The following DBP variants were observed in gnomAD, a reference collection of about 807,000 sequenced individuals.
The protein encoded by DBP is D site-binding protein.
In DBP, 12 loss-of-function variants were observed where a neutral mutation model predicts 21.4. The observed-to-expected ratio is 0.56, with a 90% CI of 0.36 to 0.91. The LOEUF is 0.91. DBP is among the 40% of genes least tolerant of loss of function. DBP has a pLI of 0.01. For synonymous variants in DBP, 213 were observed against 224.9 expected (o/e 0.95, Z 0.47); for missense variants, 423 against 473.4 (o/e 0.89, Z 0.99).
Position 48,637,344 on chromosome 19 carries a change from C to A in DBP, c.-350G>T. ...CTTGCAAAATCTGCAGCTCTCGCAA[C>A]GGAAGGCGCTTTGCAATCTGCACCG... is the stretch of plus-strand genomic sequence containing the variant. On this transcript the variant is annotated 5_prime_UTR_variant, in exon 1 of 4. Coordinates refer to ENST00000222122, the MANE Select transcript of DBP (RefSeq NM_001352.5). 1 of 263,090 alleles carries A rather than the reference C, an allele frequency of 3.8e-6. No individual in the cohort carries two copies. The highest frequency in any genetic ancestry group is 7.2e-6 in the Non-Finnish European group (1 of 139,616). The allele number at this position is 263,090 out of a possible 1,614,324, so 16.3% of individuals were successfully genotyped here.
At chr19:48,636,731 G>A (rs1054661897) in intron 1 of DBP, 125 bp downstream of exon 1, 2 of 1,182,404 alleles carry the variant, frequency 1.7e-6, no homozygotes, top group Non-Finnish European at 2.4e-6. Flanking sequence ...CTGAGTAATT[G>A]AGTAGATTAA....
chr19:48,632,943 A>C (rs2030652977), intron 3 of DBP: 1 of 195,436 alleles, frequency 5.1e-6, no homozygotes, highest in Non-Finnish European at 1.1e-5. Context: ...GAGAAGCTCC[A>C]AGTCTCTACA....
At chr19:48,636,056 C>A in intron 1 of DBP, 66 bp from the exon 2 acceptor site, 1 of 1,415,176 alleles carries the variant, frequency 7.1e-7, no homozygotes, top group Non-Finnish European at 9.2e-7. Flanking sequence ...GAGAAGAGAC[C>A]CCGAGTCCGA....
intron 3 of DBP, 72 bp from the exon 4 acceptor site, chr19:48,631,124 C>T (rs1434990855): frequency 7.1e-7 from 1 of 1,410,910 alleles, no homozygotes; most frequent in African/African-American, 1.4e-5. Flanking sequence ...AAGGGAGCCC[C>T]AGCAGCGGGG....
intron 2 of DBP, chr19:48,634,669 G>A (rs1336500364): frequency 1.7e-5 from 17 of 984,846 alleles, no homozygotes; most frequent in East Asian, 1.1e-4. Context: ...GCGCCTGCGC[G>A]AAGCGCGGAG....
Position 48,636,761 on chromosome 19 carries a change from C to G in DBP, c.139+95G>C. 2.8e-6 allele frequency: 4 copies of G among 1,434,380 alleles called. No homozygotes were observed. In the East Asian group the frequency reaches 9.8e-5, roughly 35 times the overall value. The allele number at this position is 1,434,380 out of a possible 1,614,324, so 88.9% of individuals were successfully genotyped here. ...GATTAAGGTTGGGAAGATGGACTCC[C>G]CGCACGCAGGTTTCTATGGGACCCC... is the stretch of plus-strand genomic sequence containing the variant. On this transcript the variant is annotated intron_variant, in intron 1 of 3. Coordinates refer to ENST00000222122, the MANE Select transcript of DBP (RefSeq NM_001352.5).
intron 2 of DBP, 45 bp from the exon 3 acceptor site, chr19:48,633,700 G>A (rs369481320): frequency 1.9e-6 from 3 of 1,549,934 alleles, no homozygotes; most frequent in Non-Finnish European, 2.7e-6. Flanking sequence ...TTTTAAGGAG[G>A]GGGTTTCCTG....
rs1038905482 is a variant in DBP at position 48,635,065 on chromosome 19, C to G, written c.550+515G>C. On this transcript the variant is annotated intron_variant, in intron 2 of 3. Transcript: ENST00000222122. ...TTTTCCCTTCTGAAGAACTCTGGGA[C>G]CCGGGGCTGCAGCACGCCCCACTGG... 3.0e-6 allele frequency: 3 copies of G among 986,706 alleles called. No homozygotes were observed. In the African/African-American group the frequency reaches 5.2e-5, roughly 17 times the overall value. 61.1% of individuals were successfully genotyped at this position (986,706 alleles called of 1,614,324 possible).
chr19:48,637,268 G>C lies in DBP; in HGVS notation c.-274C>G, dbSNP rs1224912435. On this transcript the variant is annotated 5_prime_UTR_variant, in exon 1 of 4. Transcript: ENST00000222122. ...CAAGCGGTCGGCTCTTTGCAACCGA[G>C]GGTGAGAGGGGACTCAAGGCGCTCC... The C allele has an allele frequency of 2.7e-6, 1 of 376,494 alleles. No individual in the cohort carries two copies. Among genetic ancestry groups the C allele is most frequent in the Non-Finnish European group, 4.8e-6 (1 of 210,390 alleles). The allele number at this position is 376,494 out of a possible 1,614,324, so 23.3% of individuals were successfully genotyped here.
intron 2 of DBP, chr19:48,634,858 T>G (rs1228926628): frequency 3.0e-6 from 3 of 985,626 alleles, no homozygotes; most frequent in Admixed American, 6.1e-5. Flanking sequence ...TCCAGTCACT[T>G]AGTTCCACTC....
Position 48,635,606 on chromosome 19 carries a change from A to C in DBP, c.524T>G (p.Leu175Arg). The C allele has an allele frequency of 1.5e-6, 2 of 1,352,006 alleles. No homozygotes were observed. Among genetic ancestry groups the C allele is most frequent in the South Asian group, 3.6e-5 (2 of 54,986 alleles). 83.8% of individuals were successfully genotyped at this position (1,352,006 alleles called of 1,614,324 possible). The change falls in exon 2 of 4, where the codon CTC becomes CGC. Residue 175 changes from leucine to arginine, a missense_variant. Physicochemically the swap from Leu to Arg is moderately radical, Grantham distance 102 (BLOSUM62 -2). This residue lies in a region of DBP where 283 missense variants were observed against 273.7 expected (regional missense o/e 1.03). Transcript: ENST00000222122. ...SPGHAPARAA[L>R]GTASGHRAGL... ...TGCGCGGTGGCCGCTGGCGGTCCCG[A>C]GGGCAGCCCGGGCGGGGGCGTGCCC...
intron 3 of DBP, chr19:48,633,239 G>A: frequency 7.7e-6 from 5 of 651,942 alleles, no homozygotes; most frequent in East Asian, 5.1e-5. Flanking sequence ...GAGGCCCCTC[G>A]CCCAGTTGAC....
Position 48,636,950 on chromosome 19 carries a change from C to T in DBP, c.45G>A (p.Leu15=). The change falls in exon 1 of 4, where the codon CTG becomes CTA. Residue 15 remains leucine, a synonymous_variant. Transcript: ENST00000222122. ...CAGGGGGTGTCCCGGCCGGGCCGCC[C>T]AGCAGCAGAGGGGCCGGGGTCCTGT... ...VSDRTPAPLL[L]GGPAGTPPGG... is the part of the protein sequence containing the mutation. 2 of 1,560,674 alleles carry T rather than the reference C, an allele frequency of 1.3e-6. No homozygotes were observed. Among genetic ancestry groups the T allele is most frequent in the Admixed American group, 1.9e-5 (1 of 51,538 alleles).
In DBP at chr19:48,637,184, A is replaced by T; in HGVS notation, c.-190T>A. On this transcript the variant is annotated 5_prime_UTR_variant, in exon 1 of 4. Transcript: ENST00000222122. ...GGGATTTGAGGTCCTCGGTGCAGAAACGTGCAACTCAAGAGGGTCCCGGGA... is the reference window on the plus strand; with the variant it reads ...GGGATTTGAGGTCCTCGGTGCAGAATCGTGCAACTCAAGAGGGTCCCGGGA... 1 of 509,106 alleles carries T rather than the reference A, an allele frequency of 2.0e-6. No homozygotes were observed. Among genetic ancestry groups the T allele is most frequent in the Non-Finnish European group, 3.4e-6 (1 of 293,428 alleles). 31.5% of individuals were successfully genotyped at this position (509,106 alleles called of 1,614,324 possible).
chr19:48,630,763 G>C lies in DBP; in HGVS notation c.*74C>G. 1.3e-6 allele frequency: 2 copies of C among 1,490,746 alleles called. No individual in the cohort carries two copies. The highest frequency in any genetic ancestry group is 1.8e-6 in the Non-Finnish European group (2 of 1,107,652). The allele number at this position is 1,490,746 out of a possible 1,614,324, so 92.3% of individuals were successfully genotyped here. On this transcript the variant is annotated 3_prime_UTR_variant, in exon 4 of 4. Transcript: ENST00000222122. This position sits in a 1 kb window ranked among gnomAD's most constrained non-coding sequence, Gnocchi z 4.9. ...CCAGCTGGCCGGCCCGTGGGCCACAGGGCAGGAAGGGAACAGGGCGTAAGT... is the reference window on the plus strand; with the variant it reads ...CCAGCTGGCCGGCCCGTGGGCCACACGGCAGGAAGGGAACAGGGCGTAAGT...
At chr19:48,634,692 G>A (rs2030718920) in intron 2 of DBP, 1 of 985,368 alleles carries the variant, frequency 1.0e-6, no homozygotes. Flanking sequence ...GGGATGGGAG[G>A]ACTCACGTGG....
Position 48,631,059 on chromosome 19 carries a change from G to T in DBP, c.763-7C>A. The T allele has an allele frequency of 6.2e-7, 1 of 1,610,834 alleles. No homozygotes were observed. The highest frequency in any genetic ancestry group is 8.5e-7 in the Non-Finnish European group (1 of 1,178,426). On this transcript the variant is annotated splice_region_variant and splice_polypyrimidine_tract_variant and intron_variant, in intron 3 of 3. Transcript: ENST00000222122. ...GGCTCCAGTATTTCTCATCCTGCAG[G>T]AGAAGAGGGGGAGAGCACTGAGGTC...
At chr19:48,635,191 GT>G in intron 2 of DBP, 3 of 1,096,118 alleles carry the variant, frequency 2.7e-6, no homozygotes, top group Non-Finnish European at 3.4e-6. Flanking sequence ...AGGGGCTCCA[GT>G]CCTATCCCAG....
At chr19:48,636,361 C>T (rs1054615182) in intron 1 of DBP, among the ~76,000 whole-genome samples, 2 of 152,082 alleles carry the variant, frequency 1.3e-5, no homozygotes, top group African/African-American at 2.4e-5. Flanking sequence ...TGTAATTTCA[C>T]TGTAATTACC....
Sources: allele counts gnomAD v4.1 joint callset (sites outside exome capture counted in the v4.1 genomes callset), GRCh38; gene constraint gnomAD v4.1.1; regional missense constraint gnomAD v4.1.1; non-coding constraint Gnocchi (gnomAD v3.1); transcripts MANE v1.5; gene names NCBI Gene and HGNC (gene_info 2026-07-23, HGNC 2026-07-21).